The following MCU variants were observed in gnomAD, a reference collection of about 807,000 sequenced individuals.
MCU encodes the protein mitochondrial calcium uniporter.
A neutral mutation model predicts 45.2 loss-of-function variants in MCU; 12 were observed. The observed-to-expected ratio is 0.27, with a 90% confidence interval of 0.17 to 0.43. MCU has a LOEUF of 0.43. MCU is among the 20% of genes least tolerant of loss of function. The pLI is 1.00. For missense variants in MCU, 324 were observed against 436.7 expected (o/e 0.74, Z 2.30); for synonymous variants, 160 against 165.1 (o/e 0.97, Z 0.24).
chr10:72,829,012 T>C (rs1844838176), intron 1 of MCU, among the ~76,000 whole-genome samples: 1 of 152,172 alleles, frequency 6.6e-6, no homozygotes, highest in Non-Finnish European at 1.5e-5. Flanking sequence ...AATCACCTTA[T>C]TCATTTGGCA....
At chr10:72,865,084 A>T (rs749186973) in intron 4 of MCU, among the ~76,000 whole-genome samples, 1 of 152,248 alleles carries the variant, frequency 6.6e-6, no homozygotes, top group Non-Finnish European at 1.5e-5. Flanking sequence ...ATAAATACCA[A>T]CCATTCCTGT....
chr10:72,859,001 T>C (rs1407279408), intron 2 of MCU, among the ~76,000 whole-genome samples, 176 bp from the exon 3 acceptor site: 1 of 152,252 alleles, frequency 6.6e-6, no homozygotes, highest in Non-Finnish European at 1.5e-5. Context: ...TTTGATCTTT[T>C]ATAAGCCAGT....
intron 1 of MCU, among the ~76,000 whole-genome samples, chr10:72,772,242 G>A (rs1843821105): frequency 6.6e-6 from 1 of 152,222 alleles, no homozygotes; most frequent in South Asian, 2.1e-4. Flanking sequence ...TGTTCCATAA[G>A]TCCCATGGGC....
chr10:72,867,737 C>T (rs1401937356), intron 4 of MCU, among the ~76,000 whole-genome samples: 2 of 151,814 alleles, frequency 1.3e-5, no homozygotes, highest in East Asian at 3.9e-4. Context: ...CGCCTGTAGT[C>T]CCAGCTACTT....
At chr10:72,884,109 G>A (rs192286456) in intron 6 of MCU, among the ~76,000 whole-genome samples, 157 bp from the exon 7 acceptor site, 3 of 152,242 alleles carry the variant, frequency 2.0e-5, no homozygotes, top group Non-Finnish European at 4.4e-5. Flanking sequence ...TGTTCTGTAT[G>A]TTTCACAGTA....
At chr10:72,826,656 T>A (rs768776271) in intron 1 of MCU, among the ~76,000 whole-genome samples, 1 of 152,250 alleles carries the variant, frequency 6.6e-6, no homozygotes, top group Non-Finnish European at 1.5e-5. Context: ...TAAAATTCTT[T>A]AAGCCAACTA....
At chr10:72,849,350 CTA>C (rs1449039571) in intron 2 of MCU, among the ~76,000 whole-genome samples, 11 of 151,550 alleles carry the variant, frequency 7.3e-5, no homozygotes, top group African/African-American at 2.7e-4. Context: ...GATTCTGGCT[CTA>C]TGAATAGTCA....
chr10:72,824,510 A>G (rs924469746), intron 1 of MCU, among the ~76,000 whole-genome samples: 2 of 151,720 alleles, frequency 1.3e-5, no homozygotes, highest in African/African-American at 2.4e-5. Flanking sequence ...CGCCCGGCCC[A>G]TGATGTCTAT....
chr10:72,810,019 T>C (rs1844513801), intron 1 of MCU, among the ~76,000 whole-genome samples: 1 of 110,356 alleles, frequency 9.1e-6, no homozygotes, highest in Non-Finnish European at 2.7e-5. Flanking sequence ...TGTGTGTGTG[T>C]GTTTGTATGT....
intron 1 of MCU, chr10:72,708,445 T>A (rs1347275326): frequency 1.3e-5 from 2 of 152,296 alleles, no homozygotes; most frequent in African/African-American, 2.4e-5. Flanking sequence ...AATGTTTTAT[T>A]TTGTAGTAAC....
chr10:72,710,959 C>T (rs997608691), intron 1 of MCU, among the ~76,000 whole-genome samples: 2 of 152,038 alleles, frequency 1.3e-5, no homozygotes, highest in Non-Finnish European at 2.9e-5. Context: ...AGGTAGATCA[C>T]CTGAGATCAG....
intron 2 of MCU, among the ~76,000 whole-genome samples, chr10:72,857,432 G>C (rs530627328): frequency 1.6e-4 from 25 of 152,102 alleles, no homozygotes; most frequent in Middle Eastern, 6.8e-3. Flanking sequence ...TAGAGACAGG[G>C]TTTTACCACA....
chr10:72,835,852 G>A (rs1844948352), intron 2 of MCU, among the ~76,000 whole-genome samples: 1 of 152,118 alleles, frequency 6.6e-6, no homozygotes, highest in Admixed American at 6.5e-5. Context: ...TAGCTGTGTT[G>A]CCCCCAGTCA....
intron 2 of MCU, among the ~76,000 whole-genome samples, chr10:72,839,490 G>T (rs1267365420): frequency 6.6e-6 from 1 of 152,060 alleles, no homozygotes; most frequent in Non-Finnish European, 1.5e-5. Flanking sequence ...TTCGCATCTA[G>T]CTTCTTTTAC....
chr10:72,876,932 T>G (rs890762685), intron 6 of MCU, among the ~76,000 whole-genome samples: 4 of 151,712 alleles, frequency 2.6e-5, no homozygotes, highest in African/African-American at 9.7e-5. Context: ...TTTTTTTTTT[T>G]TTTTTTTGAG....
intron 1 of MCU, among the ~76,000 whole-genome samples, chr10:72,761,040 AC>A (rs1239708520): frequency 6.6e-6 from 1 of 152,142 alleles, no homozygotes; most frequent in Non-Finnish European, 1.5e-5. Context: ...GGTTAGTGCC[AC>A]CGTAGAATGT....
intron 1 of MCU, among the ~76,000 whole-genome samples, chr10:72,750,547 A>G (rs771564709): frequency 1.6e-4 from 24 of 152,322 alleles, no homozygotes; most frequent in Middle Eastern, 3.4e-3. Context: ...GTCTAACTGC[A>G]TGATCCAGTA....
intron 1 of MCU, among the ~76,000 whole-genome samples, chr10:72,820,375 TCA>T: frequency 6.6e-6 from 1 of 152,346 alleles, no homozygotes; most frequent in East Asian, 1.9e-4. Flanking sequence ...TTGATATTTC[TCA>T]GTTTTACTTT....
At chr10:72,789,235 A>G (rs1022543203) in intron 1 of MCU, among the ~76,000 whole-genome samples, 1 of 152,210 alleles carries the variant, frequency 6.6e-6, no homozygotes, top group South Asian at 2.1e-4. Flanking sequence ...CTTAAAGAAT[A>G]TAATCTTAGC....
Sources: allele counts gnomAD v4.1 joint callset (sites outside exome capture counted in the v4.1 genomes callset), GRCh38; gene constraint gnomAD v4.1.1; transcripts MANE v1.5; gene names NCBI Gene and HGNC (gene_info 2026-07-23, HGNC 2026-07-21).